ZFAT: variants seen among roughly 807,000 people sequenced by gnomAD.
ZFAT encodes zinc finger protein ZFAT.
A neutral mutation model predicts 117.7 loss-of-function variants in ZFAT; 64 were observed. That is an observed-to-expected ratio of 0.54 (90% CI 0.44 to 0.67). ZFAT has a LOEUF of 0.67. Ranked by LOEUF, ZFAT falls within the 30% of genes least tolerant of loss-of-function variation. The pLI, the probability that ZFAT is intolerant of heterozygous loss-of-function variation, is 0.00. For synonymous variants in ZFAT, 679 were observed against 615.0 expected (o/e 1.10, Z -1.54); for missense variants, 1,433 against 1,584.5 (o/e 0.90, Z 1.62).
chr8:134,484,989 C>T (rs1206219075), intron 15 of ZFAT, among the ~76,000 whole-genome samples: 1 of 152,076 alleles, frequency 6.6e-6, no homozygotes, highest in Non-Finnish European at 1.5e-5. Context: ...ATGATGGAGA[C>T]ATCATCATCA....
the ZFAT span, among the ~76,000 whole-genome samples, chr8:134,799,537 G>C: frequency 3.3e-5 from 5 of 152,140 alleles, no homozygotes; most frequent in African/African-American, 1.2e-4. Flanking sequence ...TAATTATCAG[G>C]TATTAGCTTA....
rs530198872 is a variant in ZFAT, at chr8:134,523,341, T to C, written c.3116-2340A>G. Among the ~76,000 whole-genome samples the C allele has an allele frequency of 7.0e-4, 107 of 152,266 alleles. 1 individual carries two copies. In the South Asian group the frequency reaches 8.5e-3, roughly 12 times the overall value. On this transcript the variant is annotated intron_variant, in intron 12 of 15. Transcript: ENST00000377838. ...TATATTATCCACAAACTAATGACTT[T>C]CCTATTTGTAGCTCCAGCCCAGACT...
At chr8:134,714,631 T>C (rs970621378), upstream of ZFAT, among the ~76,000 whole-genome samples, 3 of 152,212 alleles carry the variant, frequency 2.0e-5, no homozygotes, top group Non-Finnish European at 4.4e-5. Context: ...CTCACAGATA[T>C]AGCCTCCCCC....
intron 2 of ZFAT, among the ~76,000 whole-genome samples, chr8:134,644,673 CACA>C (rs1484255691): frequency 1.3e-5 from 2 of 151,796 alleles, no homozygotes; most frequent in Non-Finnish European, 2.9e-5. Context: ...CACATGTGCC[CACA>C]ACCACACACA....
intron 12 of ZFAT, among the ~76,000 whole-genome samples, chr8:134,522,905 G>C (rs758812947): frequency 6.6e-6 from 1 of 152,088 alleles, no homozygotes; most frequent in Non-Finnish European, 1.5e-5. Flanking sequence ...TTCACAATGA[G>C]AATATCAGGT....
At chr8:134,686,549 G>GA (rs141237151) in intron 1 of ZFAT, among the ~76,000 whole-genome samples, 3 of 151,614 alleles carry the variant, frequency 2.0e-5, no homozygotes, top group Non-Finnish European at 4.4e-5. Context: ...AAGATATAGG[G>GA]AAAAAAAACG....
At chr8:134,732,919 A>G in the ZFAT span, among the ~76,000 whole-genome samples, 1 of 152,180 alleles carries the variant, frequency 6.6e-6, no homozygotes, top group Non-Finnish European at 1.5e-5. Flanking sequence ...GTCACAATCT[A>G]CAGGAGATTC....
the ZFAT span, among the ~76,000 whole-genome samples, chr8:134,826,362 T>C: frequency 6.6e-6 from 1 of 152,246 alleles, no homozygotes; most frequent in Non-Finnish European, 1.5e-5. Context: ...AACAACTTTT[T>C]TCTTTTAGAG....
chr8:134,535,116 A>G (rs1455357889), intron 11 of ZFAT, among the ~76,000 whole-genome samples: 1 of 152,214 alleles, frequency 6.6e-6, no homozygotes. Context: ...TTTATTTACA[A>G]GATCTGCAAT....
the ZFAT span, among the ~76,000 whole-genome samples, chr8:134,728,797 A>G: frequency 6.6e-6 from 1 of 152,250 alleles, no homozygotes; most frequent in Non-Finnish European, 1.5e-5. Context: ...ACACACGTAT[A>G]TAAGAATGTT....
chr8:134,659,337 A>AG (rs1204769296), intron 1 of ZFAT, among the ~76,000 whole-genome samples: 2 of 152,076 alleles, frequency 1.3e-5, no homozygotes, highest in African/African-American at 2.4e-5. Context: ...GGGCATAGTG[A>AG]GGGGGACACA....
intron 15 of ZFAT, among the ~76,000 whole-genome samples, chr8:134,480,912 T>C (rs1817257328): frequency 6.6e-6 from 1 of 152,190 alleles, no homozygotes; most frequent in Non-Finnish European, 1.5e-5. Flanking sequence ...AGGTGGGTCA[T>C]GTTTAATTCA....
chr8:134,712,339 A>AC (rs1814032451), intron 1 of ZFAT, among the ~76,000 whole-genome samples: 1 of 152,228 alleles, frequency 6.6e-6, no homozygotes, highest in Admixed American at 6.5e-5. Context: ...CAGGTGAAGG[A>AC]CCCCAAGCTC....
At chr8:134,538,123 A>C (rs566876553) in intron 11 of ZFAT, among the ~76,000 whole-genome samples, 1 of 152,292 alleles carries the variant, frequency 6.6e-6, no homozygotes, top group African/African-American at 2.4e-5. Context: ...ATCAAGTGAG[A>C]AGAGAAGCAG....
chr8:134,742,901 A>G, the ZFAT span, among the ~76,000 whole-genome samples: 1 of 152,110 alleles, frequency 6.6e-6, no homozygotes, highest in East Asian at 1.9e-4. Context: ...CCCTCCTGCC[A>G]GCGCCTCACC....
At chr8:134,528,035 C>G (rs1194200773) in intron 12 of ZFAT, among the ~76,000 whole-genome samples, 14 of 152,364 alleles carry the variant, frequency 9.2e-5, no homozygotes, top group Admixed American at 7.8e-4. Context: ...CACCAACTAC[C>G]AGCAAATGTG....
intron 15 of ZFAT, among the ~76,000 whole-genome samples, chr8:134,484,393 C>T (rs1817527383): frequency 6.6e-6 from 1 of 152,224 alleles, no homozygotes; most frequent in African/African-American, 2.4e-5. Flanking sequence ...CCATCTGGAG[C>T]AGCCATGGAC....
intron 15 of ZFAT, among the ~76,000 whole-genome samples, chr8:134,484,034 A>C (rs1020674206): frequency 2.6e-5 from 4 of 151,818 alleles, no homozygotes; most frequent in African/African-American, 9.7e-5. Flanking sequence ...CGTAAAACCC[A>C]TTCCTCTCAG....
At chr8:134,660,946 A>T (rs1831893883) in intron 1 of ZFAT, among the ~76,000 whole-genome samples, 2 of 152,258 alleles carry the variant, frequency 1.3e-5, no homozygotes, top group South Asian at 4.1e-4. Context: ...AATTTGCATT[A>T]ACACATGTGT....
Sources: allele counts gnomAD v4.1 joint callset (sites outside exome capture counted in the v4.1 genomes callset), GRCh38; gene constraint gnomAD v4.1.1; transcripts MANE v1.5; gene names NCBI Gene and HGNC (gene_info 2026-07-23, HGNC 2026-07-21).